The following HSPA8 variants were observed in gnomAD, a reference collection of about 807,000 sequenced individuals.
HSPA8 encodes heat shock protein family A (Hsp70) member 8, also known as heat shock cognate 71 kDa protein.
In HSPA8, 2 loss-of-function variants were observed where a neutral mutation model predicts 52.8. The ratio of observed to expected loss-of-function variants is 0.04; its 90% CI spans 0.02 to 0.12. The LOEUF is 0.12. HSPA8 is among the 10% of genes least tolerant of loss of function. The pLI is 1.00. For synonymous variants in HSPA8, 436 were observed against 274.0 expected (o/e 1.59, Z -5.84); for missense variants, 349 against 800.5 (o/e 0.44, Z 6.81).
At position 123,058,698 on chromosome 11, in the gene HSPA8, G is replaced by A. The variant is rs1302645687; in HGVS notation, c.1456C>T (p.Leu486Phe). 4.3e-6 allele frequency: 7 copies of A among 1,613,668 alleles called. No individual in the cohort carries two copies. Among genetic ancestry groups the A allele is most frequent in the Non-Finnish European group, 5.9e-6 (7 of 1,179,720 alleles). Reference protein sequence around the residue: ...VTFDIDANGILNVSAVDKSTG... With the variant: ...VTFDIDANGIFNVSAVDKSTG... ...CTCTTGTCCACAGCAGAGACATTGA[G>A]TATACCATTGGCATCAATGTCAAAA... is the stretch of plus-strand genomic sequence containing the variant. The change falls in exon 7 of 9, where the codon CTC becomes TTC. Residue 486 changes from leucine to phenylalanine, a missense_variant. Physicochemically the swap from Leu to Phe is conservative, Grantham distance 22. Coordinates refer to ENST00000534624, the MANE Select transcript of HSPA8 (RefSeq NM_006597.6).
rs945045071 is a variant in HSPA8 at position 123,058,744 on chromosome 11, A to G, written c.1410T>C (p.Gly470=). The G allele has an allele frequency of 6.2e-7, 1 of 1,613,954 alleles. No individual in the cohort carries two copies. The highest frequency in any genetic ancestry group is 1.3e-5 in the African/African-American group (1 of 74,920). ...ELTGIPPAPR[G]VPQIEVTFDI... is the part of the protein sequence containing the mutation. ...CAAAAGTGACTTCAATCTGAGGAAC[A>G]CCTCGGGGTGCAGGAGGTATGCCTG... is the stretch of plus-strand genomic sequence containing the variant. Residue 470 remains glycine (G), a synonymous_variant, in exon 7 of 9, where the codon GGT becomes GGC. Transcript: ENST00000534624.
chr11:123,060,905 A>C, intron 2 of HSPA8, 107 bp from the exon 3 acceptor site: 14 of 1,038,900 alleles, frequency 1.3e-5, no homozygotes, highest in Middle Eastern at 2.9e-4. Context: ...GGTGAATTCA[A>C]CTACCATATA....
At chr11:123,058,611 C>A (rs767621093) in intron 7 of HSPA8, 21 bp downstream of exon 7, 2 of 1,600,098 alleles carry the variant, frequency 1.2e-6, no homozygotes, top group South Asian at 2.2e-5. Flanking sequence ...CTGTCAAGAC[C>A]AGATGACAGT....
In HSPA8 at chr11:123,058,271, T is replaced by G; in HGVS notation, c.1736A>C (p.Asn579Thr). 1 of 1,562,566 alleles carries G rather than the reference T, an allele frequency of 6.4e-7. No individual in the cohort carries two copies. Among genetic ancestry groups the G allele is most frequent in the Non-Finnish European group, 8.8e-7 (1 of 1,134,690 alleles). Residue 579 changes from asparagine to threonine, a missense_variant, in exon 8 of 9, where the codon AAC becomes ACC. Asn to Thr is a moderately conservative substitution (Grantham distance 65). Transcript: ENST00000534624. Reference protein sequence around the residue: ...KILDKCNEIINWLDKNQTAEK... With the variant: ...KILDKCNEIITWLDKNQTAEK... Reference sequence around the variant, plus strand: ...ACAAACCTGATTCTTATCAAGCCAGTTGATAATTTCATTACACTTGTCCAG... The same window carrying G: ...ACAAACCTGATTCTTATCAAGCCAGGTGATAATTTCATTACACTTGTCCAG...
At position 123,057,675 on chromosome 11, in the gene HSPA8, T is replaced by C. The variant is rs1865345297; in HGVS notation, c.*59A>G. The C allele has an allele frequency of 1.4e-6, 2 of 1,387,598 alleles. No individual in the cohort carries two copies. Among genetic ancestry groups the C allele is most frequent in the Middle Eastern group, 2.6e-4 (1 of 3,784 alleles). The allele number at this position is 1,387,598 out of a possible 1,614,324, so 86.0% of individuals were successfully genotyped here. A position where few individuals can be genotyped will look rare whatever the true frequency, so the allele number is the denominator to read the frequency against. ...AAACTGCCACAGAATTTGCTACGAA[T>C]TTAGGTCCTTCAAATGTTTTAAATG... On this transcript the variant is annotated 3_prime_UTR_variant, in exon 9 of 9. Coordinates refer to ENST00000534624, the MANE Select transcript of HSPA8 (RefSeq NM_006597.6).
rs553245570 is a variant in HSPA8 at position 123,057,512 on chromosome 11, G to C, written c.*222C>G. 25 of 433,920 alleles carry C rather than the reference G, an allele frequency of 5.8e-5. No homozygotes were observed. In the East Asian group the frequency reaches 9.5e-4, roughly 16 times the overall value. The allele number at this position is 433,920 out of a possible 1,614,324, so 26.9% of individuals were successfully genotyped here. A position where few individuals can be genotyped will look rare whatever the true frequency, so the allele number is the denominator to read the frequency against. On this transcript the variant is annotated 3_prime_UTR_variant, in exon 9 of 9. Coordinates refer to ENST00000534624, the MANE Select transcript of HSPA8 (RefSeq NM_006597.6). The stretch of plus-strand genomic sequence containing the variant: ...AATTGTATGGTGCCAATTTTAAATA[G>C]TTTTATTTAAGACATTGCATTTTCC...
intron 8 of HSPA8, 115 bp from the exon 9 acceptor site, chr11:123,058,034 A>G (rs745494967): frequency 9.6e-6 from 8 of 832,994 alleles, no homozygotes; most frequent in Non-Finnish European, 1.3e-5. Flanking sequence ...GAGGGCCACT[A>G]CCAACATTAA....
Position 123,060,039 on chromosome 11 carries a change from A to G in HSPA8, c.565-11T>C, listed in dbSNP as rs1865444659. On this transcript the variant is annotated splice_polypyrimidine_tract_variant and intron_variant, in intron 4 of 8. Coordinates refer to ENST00000534624, the MANE Select transcript of HSPA8 (RefSeq NM_006597.6). The stretch of plus-strand genomic sequence containing the variant: ...TCTTTCTGCTCCAACCTGCCGTTAA[A>G]AACAATCTCATTTAAATTTACGATG... 1.2e-6 allele frequency: 2 copies of G among 1,613,994 alleles called. No individual in the cohort carries two copies. Among genetic ancestry groups the G allele is most frequent in the African/African-American group, 1.3e-5 (1 of 74,924 alleles).
rs766425028 is a variant in HSPA8, at chr11:123,059,600, A to C, written c.993T>G (p.Ile331Met). The C allele has an allele frequency of 1.9e-6, 3 of 1,614,040 alleles. No homozygotes were observed. Among genetic ancestry groups the C allele is most frequent in the African/African-American group, 1.3e-5 (1 of 74,914 alleles). ...AACCACCAACCAGGACAATATCATG[A>C]ATCTGTGACTTGTCTAGTTTGGCAT... ...LRDAKLDKSQIHDIVLVGGST... is the reference protein window; with the variant it reads ...LRDAKLDKSQMHDIVLVGGST... The change falls in exon 5 of 9, where the codon ATT becomes ATG. Residue 331 changes from isoleucine (I) to methionine (M), a missense_variant. By Grantham distance (10) the Ile-to-Met change is conservative (BLOSUM62 1). Transcript: ENST00000534624.
chr11:123,061,431 A>G (rs1192585621), intron 1 of HSPA8, 102 bp from the exon 2 acceptor site: 6 of 852,558 alleles, frequency 7.0e-6, no homozygotes, highest in Non-Finnish European at 1.1e-5. Context: ...GCCACTGCCA[A>G]GAGGTAATAG....
chr11:123,060,917 G>A (rs41361350), intron 2 of HSPA8, 119 bp from the exon 3 acceptor site: 175,407 of 966,292 alleles, frequency 0.18, 18,392 homozygotes, highest in African/African-American at 0.4. Context: ...TACCATATAG[G>A]TAGCAAAGGT....
chr11:123,060,930 A>C, intron 2 of HSPA8, 132 bp from the exon 3 acceptor site: 4 of 929,178 alleles, frequency 4.3e-6, no homozygotes, highest in Non-Finnish European at 6.6e-6. Context: ...GCAAAGGTTC[A>C]AACTTCAACC....
intron 5 of HSPA8, 53 bp downstream of exon 5, chr11:123,059,420 C>T (rs1033275003): frequency 2.0e-5 from 29 of 1,481,310 alleles, no homozygotes; most frequent in African/African-American, 4.2e-5. Context: ...CTCATCACAG[C>T]GAGTCACCTT....
At chr11:123,059,425 C>G in intron 5 of HSPA8, 48 bp downstream of exon 5, 2 of 1,515,612 alleles carry the variant, frequency 1.3e-6, no homozygotes, top group Non-Finnish European at 1.8e-6. Flanking sequence ...CACAGCGAGT[C>G]ACCTTGGGCC....
chr11:123,057,794 A>G lies in HSPA8; in HGVS notation c.1881T>C (p.Gly627=), dbSNP rs201479266. The G allele has an allele frequency of 9.5e-5, 154 of 1,613,824 alleles. 1 individual carries two copies. The East Asian group carries it at 3.4e-3, about 35-fold the overall frequency. Residue 627 remains glycine, a synonymous_variant, in exon 9 of 9, where the codon GGT becomes GGC. Coordinates refer to ENST00000534624, the MANE Select transcript of HSPA8 (RefSeq NM_006597.6). Reference sequence around the variant, plus strand: ...CACCACCAGAGGGAGGAGCTCCACCACCAGGAAATCCCCCAGGCATTCCTC... The same window carrying G: ...CACCACCAGAGGGAGGAGCTCCACCGCCAGGAAATCCCCCAGGCATTCCTC... ...MPGGMPGGFP[G]GGAPPSGGAS...
chr11:123,061,348 TG>T lies in HSPA8; in HGVS notation c.-5-20del. 6.3e-7 allele frequency: 1 copy of T among 1,588,574 alleles called. No individual in the cohort carries two copies. Among genetic ancestry groups the T allele is most frequent in the Non-Finnish European group, 8.6e-7 (1 of 1,158,524 alleles). Reference sequence around the variant, plus strand: ...ATGGTTGCTGAAAAAAAGAAAAATCTGGTTTAAAAATTCAATTAATCAAAAT... The same window carrying T: ...ATGGTTGCTGAAAAAAAGAAAAATCTGTTTAAAAATTCAATTAATCAAAAT... On this transcript the variant is annotated intron_variant, in intron 1 of 8. Coordinates refer to ENST00000534624, the MANE Select transcript of HSPA8 (RefSeq NM_006597.6).
intron 2 of HSPA8, 68 bp from the exon 3 acceptor site, chr11:123,060,866 T>C: frequency 7.2e-7 from 1 of 1,396,916 alleles, no homozygotes; most frequent in South Asian, 1.2e-5. Flanking sequence ...AAGTCCATGA[T>C]TACTCAAATA....
rs1289131268 is a variant in HSPA8, at chr11:123,060,666, C to T, written c.338G>A (p.Ser113Asn). Reference protein sequence around the residue: ...VQVEYKGETKSFYPEEVSSMV... With the variant: ...VQVEYKGETKNFYPEEVSSMV... ...AGAAGACACCTCCTCTGGATAGAAG[C>T]TTTTGGTCTCTCCCTTGTATTCTAC... The change falls in exon 3 of 9, where the codon AGC becomes AAC. Residue 113 changes from serine (S) to asparagine (N), a missense_variant. Coordinates refer to ENST00000534624, the MANE Select transcript of HSPA8 (RefSeq NM_006597.6). The T allele has an allele frequency of 6.2e-7, 1 of 1,613,706 alleles. No homozygotes were observed. Among genetic ancestry groups the T allele is most frequent in the Non-Finnish European group, 8.5e-7 (1 of 1,179,744 alleles).
intron 1 of HSPA8, chr11:123,061,680 T>C (rs977621290): frequency 8.5e-5 from 27 of 316,664 alleles, no homozygotes; most frequent in African/African-American, 5.6e-4. Context: ...TGTACCCCCA[T>C]ACTGGAAGCA....
Sources: allele counts gnomAD v4.1 joint callset, GRCh38; gene constraint gnomAD v4.1.1; transcripts MANE v1.5; gene names NCBI Gene and HGNC (gene_info 2026-07-23, HGNC 2026-07-21).